The following MCC variants were observed in gnomAD, a reference collection of about 807,000 sequenced individuals.
MCC encodes colorectal mutant cancer protein.
A neutral mutation model predicts 116.2 loss-of-function variants in MCC; 90 were observed. The ratio of observed to expected loss-of-function variants is 0.77; its 90% confidence interval spans 0.65 to 0.92. The LOEUF (loss-of-function observed/expected upper bound fraction) is 0.92, where lower values mean the gene tolerates loss of function less well. MCC is among the 40% of genes least tolerant of loss of function. The probability of loss-of-function intolerance (pLI) is 0.00; values close to 1 mark genes in which losing one functional copy is unlikely to be tolerated. For missense variants in MCC, 1,516 were observed against 1,312.2 expected (o/e 1.16, Z -2.40); for synonymous variants, 578 against 510.5 (o/e 1.13, Z -1.78).
intron 14 of MCC, among the ~76,000 whole-genome samples, chr5:113,057,286 G>C (rs990962742): frequency 6.6e-6 from 1 of 152,082 alleles, no homozygotes; most frequent in Non-Finnish European, 1.5e-5. Context: ...GGAGGGATGT[G>C]GTCTGCTTTA....
At chr5:113,270,948 A>T (rs1261829219) in intron 3 of MCC, among the ~76,000 whole-genome samples, 6 of 152,056 alleles carry the variant, frequency 3.9e-5, no homozygotes, top group Non-Finnish European at 8.8e-5. Context: ...ACATAATTCA[A>T]TCTCTCCTTG....
At chr5:113,115,459 A>G (rs1047536648) in intron 6 of MCC, among the ~76,000 whole-genome samples, 9 of 152,136 alleles carry the variant, frequency 5.9e-5, no homozygotes, top group African/African-American at 2.2e-4. Flanking sequence ...GTCACTTTAG[A>G]TTTCTGACAC....
chr5:113,402,151 C>G (rs1456374001), intron 1 of MCC, among the ~76,000 whole-genome samples: 11 of 151,912 alleles, frequency 7.2e-5, no homozygotes, highest in Admixed American at 2.0e-4. Flanking sequence ...AAAATTAGCC[C>G]GACGTAGTGG....
At chr5:113,189,298 T>G (rs1762042312) in intron 3 of MCC, among the ~76,000 whole-genome samples, 2 of 152,198 alleles carry the variant, frequency 1.3e-5, no homozygotes, top group Admixed American at 1.3e-4. Context: ...GGGAAGGACT[T>G]ACTACAGACC....
intron 3 of MCC, among the ~76,000 whole-genome samples, chr5:113,300,008 A>T (rs150052247): frequency 6.6e-6 from 1 of 152,226 alleles, no homozygotes; most frequent in African/African-American, 2.4e-5. Context: ...GCATGACTGG[A>T]TGAGGCTGTG....
intron 3 of MCC, chr5:113,295,030 T>G (rs1372166984): frequency 1.2e-6 from 1 of 866,370 alleles, no homozygotes; most frequent in Non-Finnish European, 1.4e-6. Context: ...TGGGGGCGAG[T>G]AGCCTGGAGG....
At chr5:113,309,381 A>G (rs1375150302) in intron 3 of MCC, among the ~76,000 whole-genome samples, 2 of 151,908 alleles carry the variant, frequency 1.3e-5, no homozygotes, top group African/African-American at 4.8e-5. Context: ...TCCACTCTGC[A>G]TGCCTCTGCA....
At chr5:113,074,421 G>A (rs955565261) in intron 11 of MCC, among the ~76,000 whole-genome samples, 7 of 152,240 alleles carry the variant, frequency 4.6e-5, no homozygotes, top group Non-Finnish European at 7.3e-5. Context: ...AAACCACAAA[G>A]ATGGGGAGAA....
intron 3 of MCC, among the ~76,000 whole-genome samples, chr5:113,232,897 A>G (rs527389990): frequency 6.6e-6 from 1 of 152,298 alleles, no homozygotes; most frequent in East Asian, 1.9e-4. Flanking sequence ...TGTCTTCTCA[A>G]CTATAAAATG....
intron 1 of MCC, among the ~76,000 whole-genome samples, chr5:113,405,451 T>A (rs1009233862): frequency 6.6e-6 from 1 of 152,168 alleles, no homozygotes. Context: ...AAAAAAGGTA[T>A]TAAAATCTGC....
At chr5:113,458,422 G>C (rs912806415) in intron 1 of MCC, among the ~76,000 whole-genome samples, 1 of 150,970 alleles carries the variant, frequency 6.6e-6, no homozygotes, top group African/African-American at 2.5e-5. Flanking sequence ...AAGAAACTCC[G>C]AACACATCCG....
At position 113,341,833 on chromosome 5, in the gene MCC, T is replaced by TC. The variant is rs1032989096; in HGVS notation, c.416-1104_416-1103insG. Reference sequence around the variant, plus strand: ...CCTAACATGATTAGAAAAGAAAACTTTTTTTTACATGTTTTTTATTTCATA... The same window carrying TC: ...CCTAACATGATTAGAAAAGAAAACTTCTTTTTTACATGTTTTTTATTTCATA... On this transcript the variant is annotated intron_variant, in intron 2 of 18. Transcript: ENST00000408903. 6.7e-3 allele frequency among the ~76,000 whole-genome samples: 1,013 copies of TC among 151,522 alleles called. 6 individuals are homozygous for TC. The highest frequency in any genetic ancestry group is 0.023 in the African/African-American group (933 of 41,172).
chr5:113,133,579 A>G (rs1032510995), intron 5 of MCC, among the ~76,000 whole-genome samples: 32 of 152,186 alleles, frequency 2.1e-4, no homozygotes, highest in African/African-American at 7.5e-4. Flanking sequence ...AAGTGCTGCA[A>G]TAAACAAGAG....
chr5:113,076,492 T>C (rs984465296), intron 11 of MCC, among the ~76,000 whole-genome samples: 1 of 151,776 alleles, frequency 6.6e-6, no homozygotes, highest in Admixed American at 6.6e-5. Flanking sequence ...CAGAAGAGAG[T>C]GGGGGCCAAT....
intron 1 of MCC, among the ~76,000 whole-genome samples, chr5:113,423,871 T>A (rs528719219): frequency 2.0e-5 from 3 of 152,140 alleles, no homozygotes; most frequent in African/African-American, 7.2e-5. Flanking sequence ...AAGGTTATCA[T>A]CCTGAAATTG....
At chr5:113,057,805 C>T (rs1752939124) in intron 14 of MCC, among the ~76,000 whole-genome samples, 2 of 152,202 alleles carry the variant, frequency 1.3e-5, no homozygotes, top group Non-Finnish European at 1.5e-5. Flanking sequence ...ATCTAATGTT[C>T]CACAGGCGAA....
chr5:113,178,661 T>C (rs1761459303), intron 3 of MCC, among the ~76,000 whole-genome samples: 2 of 152,206 alleles, frequency 1.3e-5, no homozygotes. Context: ...GTAAATATTA[T>C]TTCTCACACT....
chr5:113,154,519 T>G (rs1760063965), intron 3 of MCC, among the ~76,000 whole-genome samples: 1 of 152,218 alleles, frequency 6.6e-6, no homozygotes, highest in Non-Finnish European at 1.5e-5. Flanking sequence ...ACACTCAATC[T>G]CTGTGCGTTT....
chr5:113,420,011 T>C (rs1403358057), intron 1 of MCC, among the ~76,000 whole-genome samples: 1 of 147,550 alleles, frequency 6.8e-6, no homozygotes, highest in Non-Finnish European at 1.5e-5. Flanking sequence ...CCCTAAAACT[T>C]AAAAGTATAA....
Sources: allele counts gnomAD v4.1 joint callset (sites outside exome capture counted in the v4.1 genomes callset), GRCh38; gene constraint gnomAD v4.1.1; transcripts MANE v1.5; gene names NCBI Gene and HGNC (gene_info 2026-07-23, HGNC 2026-07-21).